Variants in UNC13B observed in about 807,000 individuals in gnomAD.
The protein encoded by UNC13B is unc-13 homolog B.
A neutral mutation model predicts 211.0 loss-of-function variants in UNC13B; 144 were observed. The ratio of observed to expected loss-of-function variants is 0.68; its 90% CI spans 0.60 to 0.78. The LOEUF (loss-of-function observed/expected upper bound fraction) is 0.78, where lower values mean the gene tolerates loss of function less well. Among genes scored for constraint, UNC13B ranks in the 30% least tolerant of loss-of-function variants. The pLI is 0.00. For missense variants in UNC13B, 1,777 were observed against 2,002.0 expected (o/e 0.89, Z 2.14); for synonymous variants, 709 against 725.8 (o/e 0.98, Z 0.37).
rs764579886 is a variant in UNC13B, at chr9:35,382,419, T to C, written c.10718T>C (p.Leu3573Ser). 4 of 1,614,058 alleles carry C rather than the reference T, an allele frequency of 2.5e-6. No individual in the cohort carries two copies. The highest frequency in any genetic ancestry group is 2.7e-5 in the African/African-American group (2 of 74,898). ...GGTGTGCCAGCAGTGATGAGCACCT[T>C]ACTGGCCAACATCAACGCCTACTAT... ...CPGVPAVMSTLLANINAYYAH... is the reference protein window; with the variant it reads ...CPGVPAVMSTSLANINAYYAH... The change falls in exon 21 of 40, where the codon TTA (leucine) becomes TCA (serine). Residue 3573 changes from leucine (L) to serine (S), a missense_variant. Transcript: ENST00000635942.
intron 12 of UNC13B, among the ~76,000 whole-genome samples, chr9:35,368,801 G>C (rs1343657009): frequency 6.7e-6 from 1 of 149,374 alleles, no homozygotes; most frequent in Admixed American, 6.7e-5. Context: ...TTTATTGAAA[G>C]ATCATTTATG....
At chr9:35,388,246 A>G (rs1218886746) in intron 24 of UNC13B, among the ~76,000 whole-genome samples, 2 of 152,132 alleles carry the variant, frequency 1.3e-5, no homozygotes, top group Non-Finnish European at 2.9e-5. Flanking sequence ...TGTCTCTACT[A>G]AAAATACAAA....
intron 39 of UNC13B, 65 bp downstream of exon 39, chr9:35,403,664 G>A (rs1836488146): frequency 1.5e-6 from 2 of 1,362,686 alleles, no homozygotes; most frequent in Non-Finnish European, 2.0e-6. Flanking sequence ...TGGGGGGAGA[G>A]GAGGGCCCGG....
Position 35,398,987 on chromosome 9 carries a change from G to A in UNC13B, c.12027G>A (p.Gln4009=). The change falls in exon 33 of 40, where the codon CAG becomes CAA. Residue 4009 remains glutamine (Q), a synonymous_variant. Transcript: ENST00000635942. Reference sequence around the variant, plus strand: ...CAGACGCCAGGGCCTCAGCGGCTCAGGATGCAGATAGCGTACTCCGGCCTC... The same window carrying A: ...CAGACGCCAGGGCCTCAGCGGCTCAAGATGCAGATAGCGTACTCCGGCCTC... ...ASPDARASAA[Q]DADSVLRPLM... is the part of the protein sequence containing the mutation. The A allele has an allele frequency of 6.2e-7, 1 of 1,614,200 alleles. No homozygotes were observed. The highest frequency in any genetic ancestry group is 8.5e-7 in the Non-Finnish European group (1 of 1,180,028).
At chr9:35,266,694 C>T (rs1827596251) in intron 7 of UNC13B, among the ~76,000 whole-genome samples, 1 of 152,210 alleles carries the variant, frequency 6.6e-6, no homozygotes, top group Admixed American at 6.5e-5. Context: ...TCTCTTTTAG[C>T]ATTCAGTAAC....
At chr9:35,216,262 C>T (rs1824238762) in intron 1 of UNC13B, among the ~76,000 whole-genome samples, 1 of 152,076 alleles carries the variant, frequency 6.6e-6, no homozygotes, top group South Asian at 2.1e-4. Flanking sequence ...TTTTCTGGAC[C>T]AGGATGGATT....
At chr9:35,336,308 C>G (rs1179784169) in intron 11 of UNC13B, among the ~76,000 whole-genome samples, 1 of 151,976 alleles carries the variant, frequency 6.6e-6, no homozygotes, top group Non-Finnish European at 1.5e-5. Flanking sequence ...TCCTTTCTTA[C>G]TACCCCGTCA....
chr9:35,319,894 C>T (rs1310271129), intron 11 of UNC13B, among the ~76,000 whole-genome samples: 3 of 152,156 alleles, frequency 2.0e-5, no homozygotes, highest in South Asian at 2.1e-4. Flanking sequence ...CTCCTGGCCT[C>T]AAGCAATCCT....
intron 1 of UNC13B, among the ~76,000 whole-genome samples, chr9:35,201,852 G>C (rs1309176700): frequency 6.6e-6 from 1 of 151,864 alleles, no homozygotes; most frequent in African/African-American, 2.4e-5. Context: ...GTTCTGCTCT[G>C]ATCTTAGTTA....
In UNC13B at chr9:35,300,768, G is replaced by A. The variant is rs756858336; in HGVS notation, c.1364G>A (p.Arg455His). 3.3e-5 allele frequency: 13 copies of A among 398,800 alleles called. No homozygotes were observed. The highest frequency in any genetic ancestry group is 1.6e-4 in the African/African-American group (8 of 48,616). The allele number at this position is 398,800 out of a possible 1,614,324, so 24.7% of individuals were successfully genotyped here. A position where few individuals can be genotyped will look rare whatever the true frequency, so the allele number is the denominator to read the frequency against. Reference protein sequence around the residue: ...PSSIEEPKEDRIDTMDELQCL... With the variant: ...PSSIEEPKEDHIDTMDELQCL... ...TCTATTGAGGAGCCCAAGGAGGACC[G>A]TATTGATACAATGGATGAGCTTCAG... Residue 455 changes from arginine to histidine, a missense_variant, in exon 9 of 40, where the codon CGT becomes CAT. Transcript: ENST00000635942.
At chr9:35,236,657 T>C (rs1825531680) in intron 4 of UNC13B, 71 bp downstream of exon 4, 1 of 1,327,300 alleles carries the variant, frequency 7.5e-7, no homozygotes, top group South Asian at 1.2e-5. Context: ...AGCTCCACTT[T>C]AGCTAATATT....
intron 11 of UNC13B, chr9:35,364,631 CTGTATGTGTGTG>C (rs1316524685): frequency 8.0e-6 from 12 of 1,502,582 alleles, no homozygotes; most frequent in African/African-American, 2.9e-5. Flanking sequence ...TTCCCAAGCA[CTGTATGTGTGTG>C]TGTATGTGTG....
chr9:35,357,858 A>G (rs1833134604), intron 11 of UNC13B, among the ~76,000 whole-genome samples: 1 of 152,158 alleles, frequency 6.6e-6, no homozygotes, highest in African/African-American at 2.4e-5. Context: ...CATCAAGTAC[A>G]TTCGTATTGT....
chr9:35,175,576 G>C (rs1821578624), intron 1 of UNC13B, among the ~76,000 whole-genome samples: 1 of 152,190 alleles, frequency 6.6e-6, no homozygotes, highest in African/African-American at 2.4e-5. Flanking sequence ...GAGATCATTG[G>C]ATTTGAAAAC....
chr9:35,191,017 T>C (rs61241090), intron 1 of UNC13B, among the ~76,000 whole-genome samples: 27,892 of 152,038 alleles, frequency 0.18, 2,887 homozygotes, highest in Non-Finnish European at 0.24. Flanking sequence ...TGGAGTGCAG[T>C]GGCGCCATCT....
intron 6 of UNC13B, among the ~76,000 whole-genome samples, chr9:35,256,479 A>C (rs1826884533): frequency 1.3e-5 from 2 of 152,124 alleles, no homozygotes; most frequent in African/African-American, 4.8e-5. Context: ...ATTTTGGTAG[A>C]TACTCTTTAT....
intron 11 of UNC13B, among the ~76,000 whole-genome samples, chr9:35,335,290 C>T (rs1831590796): frequency 1.3e-5 from 2 of 152,180 alleles, no homozygotes; most frequent in Non-Finnish European, 2.9e-5. Flanking sequence ...CAAGGGATAA[C>T]TTGCTTCCTG....
At chr9:35,268,057 C>T (rs908659789) in intron 7 of UNC13B, among the ~76,000 whole-genome samples, 3 of 152,160 alleles carry the variant, frequency 2.0e-5, no homozygotes, top group African/African-American at 7.2e-5. Flanking sequence ...GTACACAGTT[C>T]ACATCAGCAA....
At chr9:35,199,204 G>A (rs977896706) in intron 1 of UNC13B, among the ~76,000 whole-genome samples, 3 of 152,058 alleles carry the variant, frequency 2.0e-5, no homozygotes, top group South Asian at 2.1e-4. Context: ...AGTATTCCAC[G>A]GTGTATATGT....
Sources: allele counts gnomAD v4.1 joint callset (sites outside exome capture counted in the v4.1 genomes callset), GRCh38; gene constraint gnomAD v4.1.1; transcripts MANE v1.5; gene names NCBI Gene and HGNC (gene_info 2026-07-23, HGNC 2026-07-21).